The following FLT1 variants were observed in gnomAD, a reference collection of about 807,000 sequenced individuals.
FLT1 encodes vascular endothelial growth factor receptor 1.
Under a neutral mutation model 156.3 loss-of-function variants are expected in FLT1, and 49 were observed. The ratio of observed to expected loss-of-function variants is 0.31; its 90% CI spans 0.25 to 0.40. The LOEUF (loss-of-function observed/expected upper bound fraction) is 0.40, where lower values mean the gene tolerates loss of function less well. FLT1 is among the 10% of genes least tolerant of loss of function. The probability of loss-of-function intolerance (pLI) is 1.00; values close to 1 mark genes in which losing one functional copy is unlikely to be tolerated. For missense variants in FLT1, 1,322 were observed against 1,637.2 expected (o/e 0.81, Z 3.32); for synonymous variants, 594 against 583.8 (o/e 1.02, Z -0.25).
At chr13:28,417,320 T>C (rs2147563) in intron 10 of FLT1, among the ~76,000 whole-genome samples, 145,835 of 152,280 alleles carry the variant, frequency 0.96, 70,040 homozygotes, top group East Asian at 1. Context: ...ATGCCTGTGT[T>C]ACTGCATCAC....
chr13:28,415,906 G>T (rs1876619895), intron 10 of FLT1, among the ~76,000 whole-genome samples: 1 of 152,144 alleles, frequency 6.6e-6, no homozygotes, highest in African/African-American at 2.4e-5. Flanking sequence ...TATATTTCCT[G>T]GGAGAACATT....
intron 11 of FLT1, among the ~76,000 whole-genome samples, chr13:28,398,020 G>GCAAGTCTTTAA (rs1875170384): frequency 6.6e-6 from 1 of 151,962 alleles, no homozygotes; most frequent in Non-Finnish European, 1.5e-5. Flanking sequence ...ACAACTTAAA[G>GCAAGTCTTTAA]ACTTGCATTC....
At chr13:28,319,341 G>A in intron 24 of FLT1, 82 bp downstream of exon 24, 2 of 905,692 alleles carry the variant, frequency 2.2e-6, no homozygotes, top group Non-Finnish European at 3.6e-6. Context: ...TAATCTAAAG[G>A]CTGTCTAACC....
At chr13:28,462,476 C>T (rs549446913) in intron 3 of FLT1, among the ~76,000 whole-genome samples, 1 of 152,228 alleles carries the variant, frequency 6.6e-6, no homozygotes, top group African/African-American at 2.4e-5. Flanking sequence ...TTAGGAGGTG[C>T]TTTGTAATTT....
At chr13:28,387,701 T>G in intron 13 of FLT1, 1 of 1,057,796 alleles carries the variant, frequency 9.5e-7, no homozygotes, top group Non-Finnish European at 1.1e-6. Flanking sequence ...TCCTTTTTTC[T>G]CCTTTTTTTT....
chr13:28,381,778 AAG>A (rs1303138387), intron 14 of FLT1, among the ~76,000 whole-genome samples: 1 of 152,144 alleles, frequency 6.6e-6, no homozygotes, highest in African/African-American at 2.4e-5. Context: ...TGTTAGACTA[AAG>A]ATACTCTAAA....
intron 19 of FLT1, among the ~76,000 whole-genome samples, chr13:28,329,359 T>C (rs1258513895): frequency 6.6e-6 from 1 of 152,188 alleles, no homozygotes; most frequent in Non-Finnish European, 1.5e-5. Flanking sequence ...AAAAGTGCCC[T>C]CTGCTTAGCC....
At chr13:28,307,283 T>G (rs1870789348) in intron 28 of FLT1, among the ~76,000 whole-genome samples, 1 of 152,176 alleles carries the variant, frequency 6.6e-6, no homozygotes, top group African/African-American at 2.4e-5. Context: ...TGGCAGTGAG[T>G]TGCCTGCAGA....
intron 14 of FLT1, 143 bp downstream of exon 14, chr13:28,384,733 ACATTGCTAT>A: frequency 1.3e-6 from 1 of 748,310 alleles, no homozygotes; most frequent in South Asian, 1.5e-5. Flanking sequence ...TCCTCACTGG[ACATTGCTAT>A]CAGCATGAAC....
intron 14 of FLT1, among the ~76,000 whole-genome samples, chr13:28,380,583 A>G (rs942048657): frequency 2.0e-5 from 3 of 152,116 alleles, no homozygotes; most frequent in African/African-American, 7.2e-5. Context: ...AGCATCCTAG[A>G]ATGATATTTA....
intron 7 of FLT1, 70 bp downstream of exon 7, chr13:28,431,066 T>C: frequency 7.3e-7 from 1 of 1,370,558 alleles, no homozygotes; most frequent in Non-Finnish European, 1.0e-6. Context: ...AACTGACTTA[T>C]TTAGAGAACA....
At chr13:28,400,545 C>G (rs1875368339) in intron 11 of FLT1, among the ~76,000 whole-genome samples, 1 of 152,046 alleles carries the variant, frequency 6.6e-6, no homozygotes, top group African/African-American at 2.4e-5. Context: ...GAAAGGAGCT[C>G]AGGTGCAAAT....
intron 1 of FLT1, among the ~76,000 whole-genome samples, chr13:28,489,057 C>T (rs886575078): frequency 6.6e-6 from 1 of 152,192 alleles, no homozygotes; most frequent in Non-Finnish European, 1.5e-5. Context: ...TTTGGTGGCT[C>T]ACAGGCCCCA....
intron 16 of FLT1, among the ~76,000 whole-genome samples, chr13:28,344,657 G>C (rs1331047134): frequency 6.6e-6 from 1 of 152,098 alleles, no homozygotes; most frequent in African/African-American, 2.4e-5. Context: ...ATAGAAATCT[G>C]ATGTCCTGAA....
rs1871730760 is a variant in FLT1 at position 28,327,449 on chromosome 13, T to G, written c.2796+13A>C. The G allele has an allele frequency of 1.3e-6, 2 of 1,555,838 alleles. No homozygotes were observed. Among genetic ancestry groups the G allele is most frequent in the East Asian group, 4.5e-5 (2 of 44,594 alleles). On this transcript the variant is annotated intron_variant, in intron 20 of 29. Transcript: ENST00000282397. Reference sequence around the variant, plus strand: ...TGCTATCTTTAAAAACCTCCAACTTTTGAAATCCTTACCTTGTTGAGAAAA... The same window carrying G: ...TGCTATCTTTAAAAACCTCCAACTTGTGAAATCCTTACCTTGTTGAGAAAA...
In FLT1 at chr13:28,441,112, G is replaced by A. The variant is rs905557679; in HGVS notation, c.389-2767C>T. On this transcript the variant is annotated intron_variant, in intron 3 of 29. Transcript: ENST00000282397. Reference sequence around the variant, plus strand: ...AAGTTGGGGGAGCAGGCTCAAGCATGCACACTCAAAGGCAAAATGGCACAG... The same window carrying A: ...AAGTTGGGGGAGCAGGCTCAAGCATACACACTCAAAGGCAAAATGGCACAG... Among the ~76,000 whole-genome samples, 5 of 152,262 alleles carry A rather than the reference G, an allele frequency of 3.3e-5. No homozygotes were observed. In the South Asian group the frequency reaches 1.0e-3, roughly 32 times the overall value.
At chr13:28,395,151 A>T (rs1407793648) in intron 12 of FLT1, among the ~76,000 whole-genome samples, 11 of 152,180 alleles carry the variant, frequency 7.2e-5, no homozygotes. Context: ...TCAGGTCATC[A>T]TGAAAGTATA....
At position 28,494,000 on chromosome 13, in the gene FLT1, G is replaced by A. The variant is rs367584559; in HGVS notation, c.64+780C>T. ...GCCCTGGGCTGCCCTTGTGGGTCAG[G>A]GTCACTGATGTCCGCGACACGGACT... On this transcript the variant is annotated intron_variant, in intron 1 of 29. Transcript: ENST00000282397. Among the ~76,000 whole-genome samples, 10 of 152,376 alleles carry A rather than the reference G, an allele frequency of 6.6e-5. No individual in the cohort carries two copies. In the South Asian group the frequency reaches 1.2e-3, roughly 19 times the overall value.
chr13:28,476,644 T>C lies in FLT1; in HGVS notation c.65-9027A>G, dbSNP rs74639941. ...TTGCCATTCTAAGTAATCCTCAAACTATTAGATTCAATATGTGAAGTCTCT... is the reference window on the plus strand; with the variant it reads ...TTGCCATTCTAAGTAATCCTCAAACCATTAGATTCAATATGTGAAGTCTCT... On this transcript the variant is annotated intron_variant, in intron 1 of 29. Coordinates refer to ENST00000282397, the MANE Select transcript of FLT1 (RefSeq NM_002019.4). Among the ~76,000 whole-genome samples the C allele has an allele frequency of 9.2e-3, 1,394 of 152,338 alleles. 28 individuals carry two copies. Among genetic ancestry groups the C allele is most frequent in the African/African-American group, 0.031 (1,307 of 41,574 alleles).
Sources: gnomAD v4.1 joint callset for allele counts (sites outside exome capture counted in the v4.1 genomes callset) on GRCh38, gnomAD v4.1.1 for gene constraint, MANE v1.5 for transcripts, NCBI Gene and HGNC (gene_info 2026-07-23, HGNC 2026-07-21) for gene names.